Variants in MARK2 observed in about 807,000 individuals in gnomAD.
MARK2 encodes serine/threonine-protein kinase MARK2.
Under a neutral mutation model 89.8 loss-of-function variants are expected in MARK2, and 16 were observed. The ratio of observed to expected loss-of-function variants is 0.18; its 90% CI spans 0.12 to 0.27. The LOEUF (loss-of-function observed/expected upper bound fraction) is 0.27, where lower values mean the gene tolerates loss of function less well. MARK2 is among the 10% of genes least tolerant of loss of function. The pLI, the probability that MARK2 is intolerant of heterozygous loss-of-function variation, is 1.00. For synonymous variants in MARK2, 382 were observed against 399.5 expected (o/e 0.96, Z 0.52); for missense variants, 621 against 1,049.9 (o/e 0.59, Z 5.65).
At chr11:63,876,400 C>T (rs1032439979) in intron 1 of MARK2, among the ~76,000 whole-genome samples, 4 of 152,332 alleles carry the variant, frequency 2.6e-5, no homozygotes, top group East Asian at 3.9e-4. Context: ...ACCAGCATGT[C>T]GCCAGGCATT....
At chr11:63,857,805 G>T (rs1170141133) in intron 1 of MARK2, among the ~76,000 whole-genome samples, 2 of 151,786 alleles carry the variant, frequency 1.3e-5, no homozygotes, top group Non-Finnish European at 2.9e-5. Flanking sequence ...GACAAAACTT[G>T]GTTTGGTTCT....
At chr11:63,908,154 C>T in intron 17 of MARK2, 106 bp from the exon 18 acceptor site, 1 of 1,022,084 alleles carries the variant, frequency 9.8e-7, no homozygotes, top group Non-Finnish European at 1.5e-6. Flanking sequence ...TTGGGTCCTG[C>T]CCACCCACTG....
At position 63,903,225 on chromosome 11, in the gene MARK2, G is replaced by A; in HGVS notation, c.1514+67G>A. ...ATGTCTCACAGGGTGATGTCTGTCA[G>A]CAGCACCGTCTCCTGTCCCTGCCAG... On this transcript the variant is annotated intron_variant, in intron 14 of 18. Coordinates refer to ENST00000402010, the MANE Select transcript of MARK2 (RefSeq NM_001039469.3). This position sits in a 1 kb window ranked among gnomAD's most constrained non-coding sequence, Gnocchi z 5.1. 1 of 1,216,436 alleles carries A rather than the reference G, an allele frequency of 8.2e-7. No individual in the cohort carries two copies. The highest frequency in any genetic ancestry group is 1.2e-6 in the Non-Finnish European group (1 of 826,854). The allele number at this position is 1,216,436 out of a possible 1,614,324, so 75.4% of individuals were successfully genotyped here.
At chr11:63,895,476 C>A in intron 2 of MARK2, 104 bp from the exon 3 acceptor site, 1 of 1,438,996 alleles carries the variant, frequency 6.9e-7, no homozygotes, top group Non-Finnish European at 9.8e-7. Flanking sequence ...GTGCAAAAAG[C>A]TGTGGGATGA....
At chr11:63,840,485 G>A (rs1004937713) in intron 1 of MARK2, among the ~76,000 whole-genome samples, 3 of 152,126 alleles carry the variant, frequency 2.0e-5, no homozygotes, top group Non-Finnish European at 4.4e-5. Flanking sequence ...ACAACCTGTT[G>A]CTCAGTCCTT....
rs1227542770 is a variant in MARK2, at chr11:63,895,572, ATCC to A, written c.235-5_235-3del. 3.1e-6 allele frequency: 5 copies of A among 1,613,050 alleles called. No homozygotes were observed. Among genetic ancestry groups the A allele is most frequent in the Non-Finnish European group, 4.2e-6 (5 of 1,179,676 alleles). The stretch of plus-strand genomic sequence containing the variant: ...AAGTGATTTGGGGCCTTTTTGTCTC[ATCC>A]TCAGGTAGCTGTGAAGATCATTGAC... On this transcript the variant is annotated splice_polypyrimidine_tract_variant and splice_region_variant and intron_variant, in intron 2 of 18. Transcript: ENST00000402010.
rs866934005 is a variant in MARK2 at position 63,903,322 on chromosome 11, G to T, written c.1514+164G>T. 4.9e-6 allele frequency: 3 copies of T among 617,796 alleles called. No individual in the cohort carries two copies. Among genetic ancestry groups the T allele is most frequent in the Non-Finnish European group, 8.7e-6 (3 of 345,530 alleles). 38.3% of individuals were successfully genotyped at this position (617,796 alleles called of 1,614,324 possible). On this transcript the variant is annotated intron_variant, in intron 14 of 18. Transcript: ENST00000402010. This position sits in a 1 kb window ranked among gnomAD's most constrained non-coding sequence, Gnocchi z 5.1. ...CCAGCTTTCCCCTCCCCTATTCCAC[G>T]CCATTGCCTCCTCCCCATCTTCCTC...
chr11:63,894,599 G>T (rs927662515), intron 1 of MARK2, among the ~76,000 whole-genome samples: 9 of 152,228 alleles, frequency 5.9e-5, no homozygotes, highest in Non-Finnish European at 1.2e-4. Flanking sequence ...GGGAGGCTGA[G>T]GTGGGAGAAT....
chr11:63,882,454 A>C (rs1010244156), intron 1 of MARK2: 3 of 152,002 alleles, frequency 2.0e-5, no homozygotes, highest in African/African-American at 7.3e-5. Flanking sequence ...ATGGTGGCGC[A>C]TACCTGTAAT....
Position 63,900,536 on chromosome 11 carries a change from T to G in MARK2, c.769-23T>G. 1 of 1,612,136 alleles carries G rather than the reference T, an allele frequency of 6.2e-7. No homozygotes were observed. Among genetic ancestry groups the G allele is most frequent in the Non-Finnish European group, 8.5e-7 (1 of 1,178,970 alleles). On this transcript the variant is annotated intron_variant, in intron 8 of 18. Transcript: ENST00000402010. This position sits in a 1 kb window ranked among gnomAD's most constrained non-coding sequence, Gnocchi z 4.7. ...TTTGGCCTTGGGGTGATTTCAATTT[T>G]CTAACCCTGGATCCTCCTGCAGGAG...
chr11:63,870,572 GCA>G (rs990335841), intron 1 of MARK2, among the ~76,000 whole-genome samples: 15 of 152,252 alleles, frequency 9.9e-5, no homozygotes, highest in Admixed American at 7.8e-4. Context: ...CTGTGGCTGG[GCA>G]CTGAAGACAC....
chr11:63,883,142 A>G (rs1388097829), intron 1 of MARK2, among the ~76,000 whole-genome samples: 1 of 152,216 alleles, frequency 6.6e-6, no homozygotes, highest in African/African-American at 2.4e-5. Context: ...TGGTACTGGT[A>G]TGTCGGCTGT....
At chr11:63,842,356 A>G (rs1201942493) in intron 1 of MARK2, among the ~76,000 whole-genome samples, 2 of 152,070 alleles carry the variant, frequency 1.3e-5, no homozygotes, top group South Asian at 2.1e-4. Context: ...AGCTGGGACT[A>G]CAGGCACACA....
chr11:63,873,459 A>G (rs1413794304), intron 1 of MARK2, among the ~76,000 whole-genome samples: 1 of 152,072 alleles, frequency 6.6e-6, no homozygotes, highest in Non-Finnish European at 1.5e-5. Flanking sequence ...ACAGGCTGCC[A>G]GCAGTTGTTT....
At chr11:63,860,011 G>A (rs1016475129) in intron 1 of MARK2, among the ~76,000 whole-genome samples, 1 of 152,162 alleles carries the variant, frequency 6.6e-6, no homozygotes, top group African/African-American at 2.4e-5. Flanking sequence ...TAAGAGGTAG[G>A]TTTATTTGGA....
chr11:63,895,138 ATC>A lies in MARK2; in HGVS notation c.55-17_55-16del. ...GACTGGAAGTGTGGCATGTAATGGT[ATC>A]TCTGTTTCCACCCCGCAGCCCACCT... On this transcript the variant is annotated intron_variant, in intron 1 of 18. Transcript: ENST00000402010. 1.2e-6 allele frequency: 2 copies of A among 1,604,530 alleles called. No individual in the cohort carries two copies. The highest frequency in any genetic ancestry group is 1.7e-6 in the Non-Finnish European group (2 of 1,173,518).
Position 63,906,120 on chromosome 11 carries a change from C to T in MARK2, c.1961+6C>T, listed in dbSNP as rs1388624637. On this transcript the variant is annotated splice_donor_region_variant and intron_variant, in intron 17 of 18. Coordinates refer to ENST00000402010, the MANE Select transcript of MARK2 (RefSeq NM_001039469.3). The stretch of plus-strand genomic sequence containing the variant: ...TCTTTCAGGTTTGCCAGAAGGTAGG[C>T]GTTGAGCCCGCTGTGTGTGTGTGTG... 9.1e-6 allele frequency: 12 copies of T among 1,313,670 alleles called. No homozygotes were observed. The highest frequency in any genetic ancestry group is 4.7e-5 in the South Asian group (2 of 42,552). The allele number at this position is 1,313,670 out of a possible 1,614,324, so 81.4% of individuals were successfully genotyped here.
chr11:63,855,547 G>A (rs1408078819), intron 1 of MARK2, among the ~76,000 whole-genome samples: 1 of 151,424 alleles, frequency 6.6e-6, no homozygotes, highest in Non-Finnish European at 1.5e-5. Context: ...AAAAAACAGT[G>A]CAGGATGACT....
chr11:63,846,079 A>G (rs1590958843), intron 1 of MARK2, among the ~76,000 whole-genome samples: 1 of 152,058 alleles, frequency 6.6e-6, no homozygotes, highest in Non-Finnish European at 1.5e-5. Flanking sequence ...GCACCCAGAG[A>G]GAATCTGGCC....
Sources: allele counts gnomAD v4.1 joint callset (sites outside exome capture counted in the v4.1 genomes callset), GRCh38; gene constraint gnomAD v4.1.1; non-coding constraint Gnocchi (gnomAD v3.1); transcripts MANE v1.5; gene names NCBI Gene and HGNC (gene_info 2026-07-23, HGNC 2026-07-21).